Variants in PRPF39 observed in about 807,000 individuals in gnomAD.
The protein encoded by PRPF39 is pre-mRNA processing factor 39.
In PRPF39, 27 loss-of-function variants were observed where a neutral mutation model predicts 82.1. The ratio of observed to expected loss-of-function variants is 0.33; its 90% CI spans 0.24 to 0.45. PRPF39 has a LOEUF of 0.45. Ranked by LOEUF, PRPF39 falls within the 20% of genes least tolerant of loss-of-function variation. The pLI is 1.00. For missense variants in PRPF39, 581 were observed against 796.9 expected, an observed-to-expected ratio of 0.73 and a Z score of 3.26; for synonymous variants, 261 against 256.4, an observed-to-expected ratio of 1.02 and a Z score of -0.17.
chr14:45,095,490 T>G lies in PRPF39; in HGVS notation c.251T>G (p.Phe84Cys). 2 of 1,613,712 alleles carry G rather than the reference T, an allele frequency of 1.2e-6. No individual in the cohort carries two copies. The highest frequency in any genetic ancestry group is 1.7e-6 in the Non-Finnish European group (2 of 1,179,796). Residue 84 changes from phenylalanine to cysteine, a missense_variant, in exon 2 of 14, where the codon TTT (phenylalanine) becomes TGT (cysteine). Phe to Cys is a radical substitution (Grantham distance 205). Transcript: ENST00000355765. ...EANFPPEYEK[F>C]WKTVENNPQD... is the part of the protein sequence containing the mutation. ...AATTTCCCTCCAGAATATGAAAAATTTTGGAAAACTGTAGAAAATAATCCT... is the reference window on the plus strand; with the variant it reads ...AATTTCCCTCCAGAATATGAAAAATGTTGGAAAACTGTAGAAAATAATCCT...
Position 45,116,093 on chromosome 14 carries a change from A to T in PRPF39, c.*1180A>T, listed in dbSNP as rs1884827099. On this transcript the variant is annotated 3_prime_UTR_variant, in exon 14 of 14. Coordinates refer to ENST00000355765, the MANE Select transcript of PRPF39 (RefSeq NM_017922.4). Reference sequence around the variant, plus strand: ...ATTAACTCCTTGAATTTTCCAGTTGACTCTTCCTTTACAATAGTAACAAGT... The same window carrying T: ...ATTAACTCCTTGAATTTTCCAGTTGTCTCTTCCTTTACAATAGTAACAAGT... 2 of 781,464 alleles carry T rather than the reference A, an allele frequency of 2.6e-6. No individual in the cohort carries two copies. The highest frequency in any genetic ancestry group is 4.3e-5 in the Admixed American group (2 of 47,008). The allele number at this position is 781,464 out of a possible 1,614,324, so 48.4% of individuals were successfully genotyped here.
In PRPF39 at chr14:45,099,586, A is replaced by G. The variant is rs369439949; in HGVS notation, c.569+2581A>G. On this transcript the variant is annotated intron_variant, in intron 4 of 13. Coordinates refer to ENST00000355765, the MANE Select transcript of PRPF39 (RefSeq NM_017922.4). ...CAGCCTCCTGAGTAGCTGGGACTAC[A>G]GGCACCTGCCACCACGCCTGACTAA... Among the ~76,000 whole-genome samples, 204 of 152,188 alleles carry G rather than the reference A, an allele frequency of 1.3e-3. 1 individual carries two copies. The highest frequency in any genetic ancestry group is 4.2e-3 in the African/African-American group (176 of 41,520).
At chr14:45,086,968 G>T (rs1196222238) in intron 1 of PRPF39, among the ~76,000 whole-genome samples, 2 of 151,176 alleles carry the variant, frequency 1.3e-5, no homozygotes, top group African/African-American at 4.9e-5. Flanking sequence ...TGCATTCACT[G>T]TGGTATATCT....
At position 45,102,716 on chromosome 14, in the gene PRPF39, C is replaced by A; in HGVS notation, c.737+20C>A. On this transcript the variant is annotated intron_variant, in intron 5 of 13. Coordinates refer to ENST00000355765, the MANE Select transcript of PRPF39 (RefSeq NM_017922.4). ...TCAGAGGTAGGTGGGAAATTCTGAT[C>A]ATTGAAACATCTTTGATTACTCAGA... The A allele has an allele frequency of 1.9e-6, 3 of 1,552,008 alleles. No individual in the cohort carries two copies. The highest frequency in any genetic ancestry group is 2.4e-5 in the South Asian group (2 of 83,838).
chr14:45,109,500 A>G, intron 7 of PRPF39, 116 bp from the exon 8 acceptor site: 1 of 740,908 alleles, frequency 1.3e-6, no homozygotes, highest in Non-Finnish European at 1.8e-6. Flanking sequence ...ATTATGAAAT[A>G]TGATTAAAAA....
chr14:45,103,781 A>G (rs895770558), intron 5 of PRPF39, among the ~76,000 whole-genome samples: 2 of 152,206 alleles, frequency 1.3e-5, no homozygotes, highest in African/African-American at 4.8e-5. Flanking sequence ...TACCAAACAC[A>G]TAAGTACAAA....
intron 11 of PRPF39, among the ~76,000 whole-genome samples, chr14:45,113,795 T>C (rs550556333): frequency 3.3e-5 from 5 of 152,274 alleles, no homozygotes; most frequent in South Asian, 2.1e-4. Flanking sequence ...TAACATCTGC[T>C]TGATTGGAGG....
intron 1 of PRPF39, among the ~76,000 whole-genome samples, chr14:45,089,528 G>A (rs1034458617): frequency 3.3e-5 from 5 of 152,120 alleles, no homozygotes; most frequent in African/African-American, 7.2e-5. Context: ...GAGTGCAGTG[G>A]CACGATCACG....
intron 1 of PRPF39, among the ~76,000 whole-genome samples, chr14:45,093,572 T>C (rs1397223284): frequency 2.0e-5 from 3 of 149,518 alleles, no homozygotes; most frequent in Non-Finnish European, 4.4e-5. Context: ...TTTTTTTTTT[T>C]GAGACGGAGT....
At chr14:45,100,971 C>CT (rs1884356231) in intron 4 of PRPF39, among the ~76,000 whole-genome samples, 1 of 152,112 alleles carries the variant, frequency 6.6e-6, no homozygotes, top group East Asian at 1.9e-4. Context: ...AGACATTAGC[C>CT]TTTTATATAC....
rs568413211 is a variant in PRPF39, at chr14:45,108,340, A to G, written c.904-75A>G. ...ACTAAAATATCTGTGAATAATACTTAAATATAAGCAGTGATATTGAAAATT... is the reference window on the plus strand; with the variant it reads ...ACTAAAATATCTGTGAATAATACTTGAATATAAGCAGTGATATTGAAAATT... On this transcript the variant is annotated intron_variant, in intron 6 of 13. Coordinates refer to ENST00000355765, the MANE Select transcript of PRPF39 (RefSeq NM_017922.4). 14 of 1,407,570 alleles carry G rather than the reference A, an allele frequency of 9.9e-6. No individual in the cohort carries two copies. In the African/African-American group the frequency reaches 2.1e-4, roughly 21 times the overall value. 87.2% of individuals were successfully genotyped at this position (1,407,570 alleles called of 1,614,324 possible).
At chr14:45,089,801 A>C (rs1237222688) in intron 1 of PRPF39, among the ~76,000 whole-genome samples, 8 of 152,370 alleles carry the variant, frequency 5.3e-5, no homozygotes, top group African/African-American at 1.7e-4. Context: ...TAAACTGATA[A>C]TAATTGACAT....
intron 7 of PRPF39, among the ~76,000 whole-genome samples, chr14:45,109,260 C>T (rs1884630993): frequency 6.6e-6 from 1 of 152,178 alleles, no homozygotes; most frequent in African/African-American, 2.4e-5. Flanking sequence ...CAAAGGTCCC[C>T]TTGGCCCCTT....
At position 45,114,173 on chromosome 14, in the gene PRPF39, T is replaced by C. The variant is rs759517521; in HGVS notation, c.1758-10T>C. ...TATATTCCAGAGGATATTTTTTTCT[T>C]TCCTTTCAGGCTTCTGAATGCTTAT... On this transcript the variant is annotated splice_polypyrimidine_tract_variant and intron_variant, in intron 11 of 13. Coordinates refer to ENST00000355765, the MANE Select transcript of PRPF39 (RefSeq NM_017922.4). 4.5e-6 allele frequency: 7 copies of C among 1,558,602 alleles called. No homozygotes were observed. The African/African-American group carries it at 8.3e-5, about 18-fold the overall frequency.
chr14:45,109,689 T>A lies in PRPF39; in HGVS notation c.1085T>A (p.Phe362Tyr). The change falls in exon 8 of 14, where the codon TTT (phenylalanine) becomes TAT (tyrosine). Residue 362 changes from phenylalanine to tyrosine, a missense_variant. By Grantham distance (22) the Phe-to-Tyr change is conservative (BLOSUM62 3). Transcript: ENST00000355765. ...QLKNWKEYLEFEIENGTHERV... is the reference protein window; with the variant it reads ...QLKNWKEYLEYEIENGTHERV... The stretch of plus-strand genomic sequence containing the variant: ...AAAAACTGGAAAGAATACTTAGAAT[T>A]TGAAATTGAAAATGGGACTCATGAA... 3 of 1,608,462 alleles carry A rather than the reference T, an allele frequency of 1.9e-6. No homozygotes were observed. Among genetic ancestry groups the A allele is most frequent in the Non-Finnish European group, 2.5e-6 (3 of 1,176,974 alleles).
At chr14:45,094,429 G>A (rs1255393714) in intron 1 of PRPF39, among the ~76,000 whole-genome samples, 2 of 151,946 alleles carry the variant, frequency 1.3e-5, no homozygotes, top group East Asian at 1.9e-4. Flanking sequence ...AGGTAGGGTC[G>A]TGCTCTGTTG....
chr14:45,086,241 C>T (rs1050128859), intron 1 of PRPF39, among the ~76,000 whole-genome samples: 6 of 152,100 alleles, frequency 3.9e-5, no homozygotes, highest in African/African-American at 1.4e-4. Flanking sequence ...GTGCCCGGCC[C>T]AAATGTCCCA....
intron 5 of PRPF39, among the ~76,000 whole-genome samples, chr14:45,103,507 G>A (rs922185103): frequency 6.6e-6 from 1 of 151,878 alleles, no homozygotes; most frequent in Admixed American, 6.6e-5. Flanking sequence ...TTTTAAGTGA[G>A]TGATTTTCTA....
chr14:45,098,316 G>T (rs1050999818), intron 4 of PRPF39, among the ~76,000 whole-genome samples: 87 of 152,098 alleles, frequency 5.7e-4, no homozygotes, highest in African/African-American at 2.0e-3. Context: ...GGTGGCGCAT[G>T]CCTGTAGTTC....
Sources: allele counts gnomAD v4.1 joint callset (sites outside exome capture counted in the v4.1 genomes callset), GRCh38; gene constraint gnomAD v4.1.1; transcripts MANE v1.5; gene names NCBI Gene and HGNC (gene_info 2026-07-23, HGNC 2026-07-21).